DDHD2: variants seen among roughly 807,000 people sequenced by gnomAD.
DDHD2 encodes the protein triacylglycerol hydrolase DDHD2.
Under a neutral mutation model 91.2 loss-of-function variants are expected in DDHD2, and 62 were observed. The ratio of observed to expected loss-of-function variants is 0.68; its 90% confidence interval spans 0.55 to 0.84. DDHD2 has a LOEUF of 0.84. DDHD2 is among the 40% of genes least tolerant of loss of function. The pLI is 0.00. For synonymous variants in DDHD2, 271 were observed against 293.9 expected, an observed-to-expected ratio of 0.92 and a Z score of 0.80; for missense variants, 740 against 846.9, an observed-to-expected ratio of 0.87 and a Z score of 1.57.
At chr8:38,267,157 C>T (rs778782585), downstream of DDHD2, 8 of 1,587,484 alleles carry the variant, frequency 5.0e-6, no homozygotes, top group South Asian at 8.0e-5. Context: ...GGGGGATTTT[C>T]CAAATTGTAG....
At chr8:38,235,381 A>G (rs1029877412) in intron 3 of DDHD2, among the ~76,000 whole-genome samples, 2 of 151,882 alleles carry the variant, frequency 1.3e-5, no homozygotes, top group African/African-American at 4.8e-5. Flanking sequence ...CCTTTTTCAG[A>G]TTTTAAAATA....
chr8:38,266,400 GTTT>G, downstream of DDHD2: 10 of 1,208,234 alleles, frequency 8.3e-6, no homozygotes, highest in Non-Finnish European at 1.2e-5. Flanking sequence ...GCATGAGTAT[GTTT>G]TTATTTATTT....
chr8:38,267,357 C>CA, downstream of DDHD2: 1 of 1,613,830 alleles, frequency 6.2e-7, no homozygotes, highest in African/African-American at 1.3e-5. Context: ...GCTAGCCCAT[C>CA]AGGGAAGCAG....
chr8:38,267,427 T>TAAC, downstream of DDHD2: 1 of 1,603,690 alleles, frequency 6.2e-7, no homozygotes, highest in African/African-American at 1.3e-5. Context: ...CGTAAATCAT[T>TAAC]AACTCCAGAA....
rs1036771106 is a variant in DDHD2, at chr8:38,237,579, G to T, written c.453G>T (p.Lys151Asn). ...CTGTAACTTTGGATGAATGGAAAAAGAAACTGGAATCTCCCAACAGAGAAA... is the reference window on the plus strand; with the variant it reads ...CTGTAACTTTGGATGAATGGAAAAATAAACTGGAATCTCCCAACAGAGAAA... ...MLAVTLDEWK[K>N]KLESPNREII... The change falls in exon 4 of 18, where the codon AAG becomes AAT. Residue 151 changes from lysine (K) to asparagine (N), a missense_variant. Coordinates refer to ENST00000397166, the MANE Select transcript of DDHD2 (RefSeq NM_015214.3). 1 of 1,597,768 alleles carries T rather than the reference G, an allele frequency of 6.3e-7. No homozygotes were observed. Among genetic ancestry groups the T allele is most frequent in the East Asian group, 2.2e-5 (1 of 44,644 alleles).
In DDHD2 at chr8:38,234,450, T is replaced by C. The variant is rs544728429; in HGVS notation, c.277T>C (p.Leu93=). ...PTDGGRYDVH[L]GERMRYAVYW... is the part of the protein sequence containing the mutation. The stretch of plus-strand genomic sequence containing the variant: ...TGATGGGGGCAGATATGATGTTCAT[T>C]TGGGGGAGAGGATGCGGTATGCTGT... The change falls in exon 3 of 18, where the codon TTG becomes CTG. Residue 93 remains leucine, a synonymous_variant. Coordinates refer to ENST00000397166, the MANE Select transcript of DDHD2 (RefSeq NM_015214.3). 346 of 1,611,646 alleles carry C rather than the reference T, an allele frequency of 2.1e-4. No homozygotes were observed. Among genetic ancestry groups the C allele is most frequent in the Non-Finnish European group, 2.7e-4 (320 of 1,179,604 alleles).
chr8:38,231,764 C>T lies in DDHD2; in HGVS notation c.-104C>T, dbSNP rs1177298515. 1 of 152,144 alleles carries T rather than the reference C, an allele frequency of 6.6e-6. No homozygotes were observed. The highest frequency in any genetic ancestry group is 2.4e-5 in the African/African-American group (1 of 41,436). 9.4% of individuals were successfully genotyped at this position (152,144 alleles called of 1,614,324 possible). On this transcript the variant is annotated 5_prime_UTR_variant, in exon 1 of 18. Transcript: ENST00000397166. The stretch of plus-strand genomic sequence containing the variant: ...GGCTGCAGGTTCCGCCCTGCTCCGC[C>T]GCGCCCCGCCCGGGCTGGGGTAAAG...
At position 38,238,095 on chromosome 8, in the gene DDHD2, G is replaced by A. The variant is rs754889897; in HGVS notation, c.508G>A (p.Val170Met). The change falls in exon 5 of 18, where the codon GTG (valine) becomes ATG (methionine). Residue 170 changes from valine (V) to methionine (M), a missense_variant. By Grantham distance (21) the Val-to-Met change is conservative. This residue lies in a region of DDHD2 where 693 missense variants were observed against 764.2 expected (regional missense o/e 0.91). Transcript: ENST00000397166. ...CTGATCTGTTCTGTTTAAGCTTATG[G>A]TGCATTACCAGCCAGTTGCAGGGTC... ...IIILHNPKLM[V>M]HYQPVAGSDD... The A allele has an allele frequency of 1.2e-5, 20 of 1,609,888 alleles. No individual in the cohort carries two copies. Among genetic ancestry groups the A allele is most frequent in the South Asian group, 2.2e-5 (2 of 90,144 alleles).
intron 12 of DDHD2, 39 bp from the exon 13 acceptor site, chr8:38,252,093 T>C: frequency 6.2e-7 from 1 of 1,612,746 alleles, no homozygotes. Context: ...ATGTAACTTT[T>C]GTTATTAATG....
At chr8:38,264,909 T>G, downstream of DDHD2, 1 of 1,612,938 alleles carries the variant, frequency 6.2e-7, no homozygotes, top group Non-Finnish European at 8.5e-7. Flanking sequence ...AAAGGTCCAC[T>G]TATTGCTATT....
At chr8:38,264,883 AACTC>A (rs758953162), downstream of DDHD2, 2 of 1,611,772 alleles carry the variant, frequency 1.2e-6, no homozygotes, top group Non-Finnish European at 8.5e-7. Context: ...GAATTTTTCT[AACTC>A]AGAAGAGTAA....
At chr8:38,269,280 C>T (rs1808325824) in intron 1 of DDHD2, 1 of 1,303,572 alleles carries the variant, frequency 7.7e-7, no homozygotes, top group Admixed American at 4.0e-5. Flanking sequence ...GGCACCGCCC[C>T]CTCTCCCAGT....
Position 38,262,284 on chromosome 8 carries a change from C to G in DDHD2, c.*1711C>G, listed in dbSNP as rs955111919. On this transcript the variant is annotated 3_prime_UTR_variant, in exon 18 of 18. Coordinates refer to ENST00000397166, the MANE Select transcript of DDHD2 (RefSeq NM_015214.3). Reference sequence around the variant, plus strand: ...AATTTATGTTTACTCTTCCTATTGGCAGAATAGGTGCTATTTAAGAGTAAA... The same window carrying G: ...AATTTATGTTTACTCTTCCTATTGGGAGAATAGGTGCTATTTAAGAGTAAA... 1 of 152,162 alleles carries G rather than the reference C, an allele frequency of 6.6e-6. No individual in the cohort carries two copies. Among genetic ancestry groups the G allele is most frequent in the African/African-American group, 2.4e-5 (1 of 41,444 alleles). The allele number at this position is 152,162 out of a possible 1,614,324, so 9.4% of individuals were successfully genotyped here.
At chr8:38,264,100 A>C, downstream of DDHD2, 1 of 995,156 alleles carries the variant, frequency 1.0e-6, no homozygotes, top group Non-Finnish European at 1.2e-6. Context: ...TGTCTTGTGC[A>C]TGGTCCGGTT....
At chr8:38,239,142 GGTGGAAGGAT>G (rs1289755001) in intron 5 of DDHD2, 1 of 152,186 alleles carries the variant, frequency 6.6e-6, no homozygotes, top group East Asian at 1.9e-4. Flanking sequence ...GGGAGGCCAA[GGTGGAAGGAT>G]CACTTGAGCC....
chr8:38,262,025 A>G lies in DDHD2; in HGVS notation c.*1452A>G, dbSNP rs1287468699. 6.6e-6 allele frequency: 1 copy of G among 152,218 alleles called. No homozygotes were observed. Among genetic ancestry groups the G allele is most frequent in the Non-Finnish European group, 1.5e-5 (1 of 68,040 alleles). 9.4% of individuals were successfully genotyped at this position (152,218 alleles called of 1,614,324 possible). On this transcript the variant is annotated 3_prime_UTR_variant, in exon 18 of 18. Coordinates refer to ENST00000397166, the MANE Select transcript of DDHD2 (RefSeq NM_015214.3). ...GTGGTCTTTATCCCTTTCTGGAAAG[A>G]AAAGGAAAATGAAGGGTAATTACTG...
chr8:38,260,117 A>T lies in DDHD2; in HGVS notation c.2132A>T (p.Gln711Leu), dbSNP rs752903062. 2 of 1,610,010 alleles carry T rather than the reference A, an allele frequency of 1.2e-6. No individual in the cohort carries two copies. Among genetic ancestry groups the T allele is most frequent in the Admixed American group, 3.3e-5 (2 of 60,012 alleles). ...TQGIFLDQPLQ is the reference protein window; with the variant it reads ...TQGIFLDQPLL ...GGTATCTTCCTTGATCAGCCTTTAC[A>T]GTAAAAATGACCCATCTATGGCTGC... Residue 711 changes from glutamine to leucine, a missense_variant, in exon 17 of 18, where the codon CAG (glutamine) becomes CTG (leucine). By Grantham distance (113) the Gln-to-Leu change is moderately radical. Transcript: ENST00000397166.
chr8:38,263,052 G>C (rs1324348860), downstream of DDHD2: 1 of 152,112 alleles, frequency 6.6e-6, no homozygotes, highest in African/African-American at 2.4e-5. Context: ...AGGGCGGATG[G>C]GGAATTCAAT....
At chr8:38,252,414 A>G in intron 13 of DDHD2, 127 bp downstream of exon 13, 1 of 1,075,974 alleles carries the variant, frequency 9.3e-7, no homozygotes, top group Non-Finnish European at 1.3e-6. Flanking sequence ...AACTTATAAT[A>G]GTATTGATTT....
Sources: gnomAD v4.1 joint callset for allele counts (sites outside exome capture counted in the v4.1 genomes callset) on GRCh38, gnomAD v4.1.1 for gene constraint, gnomAD v4.1.1 regional missense constraint, MANE v1.5 for transcripts, NCBI Gene and HGNC (gene_info 2026-07-23, HGNC 2026-07-21) for gene names.